The following WDPCP variants were observed in gnomAD, a reference collection of about 807,000 sequenced individuals.
The protein encoded by WDPCP is WD repeat containing planar cell polarity effector.
A neutral mutation model predicts 93.1 loss-of-function variants in WDPCP; 71 were observed. The observed-to-expected ratio is 0.76, with a 90% confidence interval of 0.63 to 0.93. The LOEUF (loss-of-function observed/expected upper bound fraction) is 0.93. Among genes scored for constraint, WDPCP ranks in the 40% least tolerant of loss-of-function variants. WDPCP has a pLI of 0.00. For synonymous variants in WDPCP, 315 were observed against 315.0 expected, an observed-to-expected ratio of 1.00 and a Z score of 0.00; for missense variants, 844 against 887.4, an observed-to-expected ratio of 0.95 and a Z score of 0.62.
intron 12 of WDPCP, among the ~76,000 whole-genome samples, chr2:63,363,554 G>A (rs1690655314): frequency 6.6e-6 from 1 of 151,966 alleles, no homozygotes; most frequent in Admixed American, 6.6e-5. Context: ...GTCATGAACA[G>A]GCCACTGCAC....
At chr2:63,731,697 T>C (rs1483825425) in intron 2 of WDPCP, among the ~76,000 whole-genome samples, 2 of 152,040 alleles carry the variant, frequency 1.3e-5, no homozygotes, top group South Asian at 2.1e-4. Flanking sequence ...CTGTGCAGAG[T>C]GTTGGATACT....
At chr2:63,357,831 T>C (rs941454713) in intron 12 of WDPCP, among the ~76,000 whole-genome samples, 6 of 152,080 alleles carry the variant, frequency 3.9e-5, no homozygotes, top group East Asian at 1.9e-4. Flanking sequence ...GCACTATTCA[T>C]AGCAGCAAAG....
At chr2:63,835,844 A>C in the WDPCP span, among the ~76,000 whole-genome samples, 1 of 151,886 alleles carries the variant, frequency 6.6e-6, no homozygotes, top group Admixed American at 6.6e-5. Context: ...AGTCCTGAGA[A>C]TCTTCTCTTT....
chr2:63,211,622 C>T (rs747810165), intron 14 of WDPCP, among the ~76,000 whole-genome samples: 4 of 152,228 alleles, frequency 2.6e-5, no homozygotes, highest in African/African-American at 4.8e-5. Context: ...ATGACTTTGA[C>T]GAGTTGAGAG....
intron 14 of WDPCP, among the ~76,000 whole-genome samples, chr2:63,182,331 G>A (rs1015643084): frequency 6.6e-6 from 1 of 151,898 alleles, no homozygotes; most frequent in Admixed American, 6.6e-5. Context: ...TCTATGCCTA[G>A]TTTGTTGAGG....
chr2:63,823,856 G>A (rs1282847603), intron 1 of WDPCP, among the ~76,000 whole-genome samples: 1 of 152,186 alleles, frequency 6.6e-6, no homozygotes, highest in African/African-American at 2.4e-5. Flanking sequence ...GGTCAAAAAT[G>A]ATACTGGAAA....
chr2:63,650,175 T>A (rs1171777449), intron 3 of WDPCP, among the ~76,000 whole-genome samples: 1 of 152,206 alleles, frequency 6.6e-6, no homozygotes, highest in Non-Finnish European at 1.5e-5. Context: ...CCAAGATTTG[T>A]TCAGTACAGT....
chr2:63,429,175 G>A (rs572448861), intron 9 of WDPCP, among the ~76,000 whole-genome samples: 8 of 152,172 alleles, frequency 5.3e-5, no homozygotes, highest in East Asian at 1.9e-4. Flanking sequence ...ATTAATTCAC[G>A]ATTAAATTAA....
intron 2 of WDPCP, among the ~76,000 whole-genome samples, chr2:63,797,118 CAA>C (rs919233404): frequency 6.6e-6 from 1 of 152,124 alleles, no homozygotes; most frequent in African/African-American, 2.4e-5. Context: ...GCGAAGAAAC[CAA>C]ACTTCCAGGA....
intron 9 of WDPCP, among the ~76,000 whole-genome samples, chr2:63,409,016 C>T (rs537880389): frequency 2.6e-4 from 39 of 152,274 alleles, no homozygotes; most frequent in South Asian, 1.5e-3. Flanking sequence ...TAGGGCCCTG[C>T]TCACCACAGG....
At chr2:63,365,773 C>T (rs963122916) in intron 12 of WDPCP, among the ~76,000 whole-genome samples, 7 of 152,108 alleles carry the variant, frequency 4.6e-5, no homozygotes, top group African/African-American at 1.7e-4. Context: ...CCTTACCACT[C>T]GCAGAACTAA....
chr2:63,445,979 A>G (rs1176092330), intron 6 of WDPCP, among the ~76,000 whole-genome samples: 1 of 152,222 alleles, frequency 6.6e-6, no homozygotes, highest in Non-Finnish European at 1.5e-5. Flanking sequence ...GCAATTAATC[A>G]AAGGTCTCAT....
intron 2 of WDPCP, among the ~76,000 whole-genome samples, chr2:63,767,990 A>G (rs1558906042): frequency 6.6e-6 from 1 of 151,166 alleles, no homozygotes; most frequent in Non-Finnish European, 1.5e-5. Flanking sequence ...GATGCCTAGG[A>G]AAATAACAAC....
At chr2:63,330,322 C>T (rs1391260239) in intron 12 of WDPCP, among the ~76,000 whole-genome samples, 1 of 152,054 alleles carries the variant, frequency 6.6e-6, no homozygotes, top group Non-Finnish European at 1.5e-5. Context: ...TTTCATTTTC[C>T]TGATAATTAG....
chr2:63,436,769 C>T (rs17552490), intron 8 of WDPCP, among the ~76,000 whole-genome samples: 2,950 of 152,152 alleles, frequency 0.019, 38 homozygotes, highest in Non-Finnish European at 0.03. Context: ...GAGAATATGC[C>T]TTCCCAGCAG....
chr2:63,630,577 C>T (rs1186748268), intron 3 of WDPCP, among the ~76,000 whole-genome samples: 1 of 151,938 alleles, frequency 6.6e-6, no homozygotes, highest in Non-Finnish European at 1.5e-5. Context: ...GAAGACATAG[C>T]AATCCTACAT....
chr2:63,494,738 G>A (rs968264058), intron 1 of WDPCP, among the ~76,000 whole-genome samples: 5 of 152,114 alleles, frequency 3.3e-5, no homozygotes, highest in East Asian at 1.9e-4. Flanking sequence ...GGCTAACACG[G>A]TGAAACCTCG....
chr2:63,519,607 A>G (rs1344141240), intron 1 of WDPCP, among the ~76,000 whole-genome samples: 3 of 152,218 alleles, frequency 2.0e-5, no homozygotes, highest in African/African-American at 7.2e-5. Context: ...CCCCAGAGTC[A>G]GAGCATGCAG....
chr2:63,260,003 T>A (rs1208452012), intron 13 of WDPCP, among the ~76,000 whole-genome samples: 1 of 152,198 alleles, frequency 6.6e-6, no homozygotes, highest in African/African-American at 2.4e-5. Context: ...ATAGATTTTA[T>A]AGCACATATG....
Sources: allele counts gnomAD v4.1 joint callset (sites outside exome capture counted in the v4.1 genomes callset), GRCh38; gene constraint gnomAD v4.1.1; transcripts MANE v1.5; gene names NCBI Gene and HGNC (gene_info 2026-07-23, HGNC 2026-07-21).